SPATA13: variants seen among roughly 807,000 people sequenced by gnomAD.
SPATA13 encodes the protein spermatogenesis-associated protein 13.
In SPATA13, 50 loss-of-function variants were observed where a neutral mutation model predicts 104.0. The observed-to-expected ratio is 0.48, with a 90% CI of 0.38 to 0.61. The LOEUF (loss-of-function observed/expected upper bound fraction) is 0.61, where lower values mean the gene tolerates loss of function less well. SPATA13 is among the 20% of genes least tolerant of loss of function. SPATA13 has a pLI of 0.00. For synonymous variants in SPATA13, 606 were observed against 667.5 expected, an observed-to-expected ratio of 0.91 and a Z score of 1.42; for missense variants, 1,524 against 1,690.6, an observed-to-expected ratio of 0.90 and a Z score of 1.73.
At chr13:24,023,824 G>A (rs1417022695) in intron 3 of SPATA13, among the ~76,000 whole-genome samples, 1 of 152,178 alleles carries the variant, frequency 6.6e-6, no homozygotes, top group Non-Finnish European at 1.5e-5. Context: ...CCAGCACCTT[G>A]GTTTTAACCT....
chr13:24,045,602 C>A (rs1358047925), intron 3 of SPATA13, among the ~76,000 whole-genome samples: 1 of 152,130 alleles, frequency 6.6e-6, no homozygotes, highest in Non-Finnish European at 1.5e-5. Flanking sequence ...CAATACCAGG[C>A]TCATGACAAA....
intron 3 of SPATA13, among the ~76,000 whole-genome samples, chr13:24,125,609 G>A (rs1396337942): frequency 6.6e-6 from 1 of 152,156 alleles, no homozygotes; most frequent in Non-Finnish European, 1.5e-5. Context: ...TTCACCTAGT[G>A]AGAATTACTA....
chr13:24,131,394 C>T (rs1881385837), intron 3 of SPATA13, among the ~76,000 whole-genome samples: 1 of 152,172 alleles, frequency 6.6e-6, no homozygotes. Flanking sequence ...CTCACAAAAC[C>T]ATCTACCCGA....
chr13:24,299,146 CGTT>C (rs1417183396), intron 11 of SPATA13, among the ~76,000 whole-genome samples: 1 of 152,208 alleles, frequency 6.6e-6, no homozygotes, highest in African/African-American at 2.4e-5. Context: ...CGTCATATGA[CGTT>C]GTCTAGCGCA....
At chr13:24,239,672 G>A (rs1274557737) in intron 2 of SPATA13, among the ~76,000 whole-genome samples, 3 of 118,276 alleles carry the variant, frequency 2.5e-5, no homozygotes, top group Non-Finnish European at 1.6e-5. Context: ...TCCAGCCTGG[G>A]TGTCGGATAG....
chr13:24,128,291 T>A (rs552354768), intron 3 of SPATA13, among the ~76,000 whole-genome samples: 1 of 152,268 alleles, frequency 6.6e-6, no homozygotes, highest in Admixed American at 6.5e-5. Flanking sequence ...GGAAAGGACA[T>A]TGTGGCTTCA....
intron 3 of SPATA13, among the ~76,000 whole-genome samples, chr13:24,135,153 T>C (rs934150604): frequency 1.3e-5 from 2 of 152,146 alleles, no homozygotes; most frequent in African/African-American, 4.8e-5. Context: ...ATTTCTATTG[T>C]ATAAGCCACC....
chr13:24,083,510 T>C (rs907224948), intron 3 of SPATA13, among the ~76,000 whole-genome samples: 4 of 152,148 alleles, frequency 2.6e-5, no homozygotes, highest in African/African-American at 9.7e-5. Context: ...GCGGGGAGAA[T>C]GGCTAGCTCT....
At chr13:24,149,323 C>T (rs1882028854) in intron 3 of SPATA13, among the ~76,000 whole-genome samples, 1 of 152,192 alleles carries the variant, frequency 6.6e-6, no homozygotes, top group South Asian at 2.1e-4. Context: ...TAAAGGTTGG[C>T]ATCGTTTGTC....
At chr13:24,002,392 C>T (rs1429771533) in intron 2 of SPATA13, among the ~76,000 whole-genome samples, 5 of 152,026 alleles carry the variant, frequency 3.3e-5, no homozygotes, top group Non-Finnish European at 4.4e-5. Context: ...CAAACGAATT[C>T]GAGTAGGAGG....
chr13:24,132,889 C>T (rs1417646496), intron 3 of SPATA13, among the ~76,000 whole-genome samples: 1 of 152,128 alleles, frequency 6.6e-6, no homozygotes, highest in Non-Finnish European at 1.5e-5. Flanking sequence ...GCACGAGAAT[C>T]ACTTGAACCT....
At chr13:24,263,967 A>G (rs969170925) in intron 4 of SPATA13, among the ~76,000 whole-genome samples, 1 of 152,228 alleles carries the variant, frequency 6.6e-6, no homozygotes, top group Non-Finnish European at 1.5e-5. Flanking sequence ...AACAAGGACT[A>G]CAAATATGGC....
At chr13:24,141,335 A>G (rs1881756114) in intron 3 of SPATA13, among the ~76,000 whole-genome samples, 2 of 152,104 alleles carry the variant, frequency 1.3e-5, no homozygotes, top group Non-Finnish European at 2.9e-5. Flanking sequence ...AACCCTACAG[A>G]TAATTAATTA....
At chr13:24,189,902 T>TTACATAA (rs1555267601) in intron 1 of SPATA13, among the ~76,000 whole-genome samples, 422 of 12,616 alleles carry the variant, frequency 0.033, 12 homozygotes, top group African/African-American at 0.042. Flanking sequence ...TATTATATAA[T>TTACATAA]TATATTACAT....
At chr13:24,111,571 C>T (rs1880640223) in intron 3 of SPATA13, among the ~76,000 whole-genome samples, 1 of 152,134 alleles carries the variant, frequency 6.6e-6, no homozygotes, top group Non-Finnish European at 1.5e-5. Context: ...CCACACCTGG[C>T]TAACTTGTAT....
chr13:24,301,646 C>G (rs893661766), intron 12 of SPATA13, among the ~76,000 whole-genome samples: 1 of 152,178 alleles, frequency 6.6e-6, no homozygotes, highest in Non-Finnish European at 1.5e-5. Flanking sequence ...CCTGCCACCT[C>G]GGGAGGTAGG....
chr13:24,130,471 C>T (rs760095101), intron 3 of SPATA13, among the ~76,000 whole-genome samples: 1 of 152,194 alleles, frequency 6.6e-6, no homozygotes, highest in Non-Finnish European at 1.5e-5. Context: ...AAAGGCAAAG[C>T]GTGGTTGATG....
chr13:24,260,702 A>G (rs1439228462), intron 4 of SPATA13, among the ~76,000 whole-genome samples: 1 of 152,198 alleles, frequency 6.6e-6, no homozygotes, highest in Non-Finnish European at 1.5e-5. Context: ...AAAAATGGAA[A>G]AATCGAGGAG....
intron 3 of SPATA13, among the ~76,000 whole-genome samples, chr13:24,025,892 C>A (rs1325249199): frequency 4.0e-5 from 6 of 151,874 alleles, no homozygotes. Flanking sequence ...ACAACCTCCG[C>A]CTCCCAGGTT....
Sources: gnomAD v4.1 joint callset for allele counts (sites outside exome capture counted in the v4.1 genomes callset) on GRCh38, gnomAD v4.1.1 for gene constraint, MANE v1.5 for transcripts, NCBI Gene and HGNC (gene_info 2026-07-23, HGNC 2026-07-21) for gene names.